Variants in ANKRD24 observed in about 807,000 individuals in gnomAD.
ANKRD24 encodes the protein ankyrin repeat domain-containing protein 24.
In ANKRD24, 109 loss-of-function variants were observed where a neutral mutation model predicts 127.8. That is an observed-to-expected ratio of 0.85 (90% CI 0.73 to 1.00). The LOEUF (loss-of-function observed/expected upper bound fraction) is 1.00. ANKRD24 is among the 50% of genes least tolerant of loss of function. ANKRD24 has a pLI of 0.00. For missense variants in ANKRD24, 1,648 were observed against 1,570.2 expected, an observed-to-expected ratio of 1.05 and a Z score of -0.84; for synonymous variants, 743 against 671.1, an observed-to-expected ratio of 1.11 and a Z score of -1.66.
Position 4,224,113 on chromosome 19 carries a change from C to G in ANKRD24, c.3298-14C>G. 1 of 1,611,250 alleles carries G rather than the reference C, an allele frequency of 6.2e-7. No homozygotes were observed. Among genetic ancestry groups the G allele is most frequent in the South Asian group, 1.1e-5 (1 of 90,798 alleles). On this transcript the variant is annotated splice_polypyrimidine_tract_variant and intron_variant, in intron 20 of 21. Transcript: ENST00000318934. ...GCTCCTGCTCTTCTGAGCGCCCCTTCCTCATGCCCACAGGAAGCTGCCAGG... is the reference window on the plus strand; with the variant it reads ...GCTCCTGCTCTTCTGAGCGCCCCTTGCTCATGCCCACAGGAAGCTGCCAGG...
Position 4,195,155 on chromosome 19 carries a change from C to T in ANKRD24, c.37-4528C>T, listed in dbSNP as rs1335786503. On this transcript the variant is annotated intron_variant, in intron 2 of 21. Transcript: ENST00000318934. This position sits in a 1 kb window ranked among gnomAD's most constrained non-coding sequence, Gnocchi z 4.2. ...TGGCACGACTTCTGCTCACTGCAAG[C>T]TCCGCCTCCCGGGTGCACGCCATTC... is the stretch of plus-strand genomic sequence containing the variant. 1.3e-5 allele frequency among the ~76,000 whole-genome samples: 2 copies of T among 151,182 alleles called. No individual in the cohort carries two copies. The highest frequency in any genetic ancestry group is 6.6e-5 in the Admixed American group (1 of 15,074).
At chr19:4,191,574 C>T (rs536253428) in intron 2 of ANKRD24, among the ~76,000 whole-genome samples, 2 of 152,116 alleles carry the variant, frequency 1.3e-5, no homozygotes, top group South Asian at 4.1e-4. Flanking sequence ...CTCCGCCTCC[C>T]GGGTTCAAGA....
In ANKRD24 at chr19:4,218,119, G is replaced by C; in HGVS notation, c.2959G>C (p.Glu987Gln). Residue 987 changes from glutamate to glutamine, a missense_variant, in exon 18 of 22, where the codon GAG (glutamate) becomes CAG (glutamine). Coordinates refer to ENST00000318934, the MANE Select transcript of ANKRD24 (RefSeq NM_001393985.1). ...GGCCCAGCTGGAGGGGCAGCTGGAG[G>C]AGCTGGGACGGCGGCATGAGAAGAC... ...NVAQLEGQLE[E>Q]LGRRHEKTSA... 1 of 1,541,180 alleles carries C rather than the reference G, an allele frequency of 6.5e-7. No individual in the cohort carries two copies. The highest frequency in any genetic ancestry group is 8.7e-7 in the Non-Finnish European group (1 of 1,145,444).
chr19:4,219,859 A>T (rs1970352289), intron 19 of ANKRD24, 101 bp downstream of exon 19: 3 of 1,321,360 alleles, frequency 2.3e-6, no homozygotes, highest in Non-Finnish European at 3.0e-6. Context: ...TGGAAAATCA[A>T]CCCATTTTCC....
rs1055765901 is a variant in ANKRD24 at position 4,198,208 on chromosome 19, C to T, written c.37-1475C>T. 8.7e-6 allele frequency: 5 copies of T among 572,460 alleles called. No homozygotes were observed. Among genetic ancestry groups the T allele is most frequent in the Middle Eastern group, 3.6e-4 (1 of 2,746 alleles). The allele number at this position is 572,460 out of a possible 1,614,324, so 35.5% of individuals were successfully genotyped here. A position where few individuals can be genotyped will look rare whatever the true frequency, so the allele number is the denominator to read the frequency against. On this transcript the variant is annotated intron_variant, in intron 2 of 21. Coordinates refer to ENST00000318934, the MANE Select transcript of ANKRD24 (RefSeq NM_001393985.1). The surrounding 1 kb of genome is among the most constrained non-coding windows in gnomAD (Gnocchi z 6.1). ...CGCCGCGTCCTCCTCATCCTCCAGG[C>T]GACAAGGTCAGGAGGGGCCGGGGCG...
chr19:4,219,596 G>C lies in ANKRD24; in HGVS notation c.3009G>C (p.Gln1003His). 1 of 1,609,390 alleles carries C rather than the reference G, an allele frequency of 6.2e-7. No individual in the cohort carries two copies. The highest frequency in any genetic ancestry group is 1.7e-5 in the Admixed American group (1 of 59,686). ...TGCGTGGGCTTGGGCCACAGGTGCA[G>C]CGTGAGGCCCTGTTCATGAAGAGTG... Reference protein sequence around the residue: ...EKTSAEVFQVQREALFMKSER... With the variant: ...EKTSAEVFQVHREALFMKSER... Residue 1003 changes from glutamine (Q) to histidine (H), a missense_variant, in exon 19 of 22, where the codon CAG becomes CAC. Physicochemically the swap from Gln to His is conservative, Grantham distance 24. Transcript: ENST00000318934.
chr19:4,192,791 G>C (rs1472170332), intron 2 of ANKRD24, among the ~76,000 whole-genome samples: 1 of 151,504 alleles, frequency 6.6e-6, no homozygotes, highest in East Asian at 2.0e-4. Context: ...AAATTAGTTG[G>C]GTATGGTGGT....
chr19:4,224,322 TG>T, intron 21 of ANKRD24, 105 bp from the exon 22 acceptor site: 1 of 1,424,502 alleles, frequency 7.0e-7, no homozygotes, highest in Non-Finnish European at 9.7e-7. Flanking sequence ...GGAGCCCCCC[TG>T]TGTGCATTTC....
Position 4,199,718 on chromosome 19 carries a change from G to C in ANKRD24, c.72G>C (p.Pro24=). 6.5e-7 allele frequency: 1 copy of C among 1,538,062 alleles called. No individual in the cohort carries two copies. The highest frequency in any genetic ancestry group is 8.7e-7 in the Non-Finnish European group (1 of 1,144,834). Reference sequence around the variant, plus strand: ...GCCCCACTGACCTTGGCTCCTGCCCGCCCTGCGGCCCCTGCCCCATCCCGA... The same window carrying C: ...GCCCCACTGACCTTGGCTCCTGCCCCCCCTGCGGCCCCTGCCCCATCCCGA... ...RLSPTDLGSC[P]PCGPCPIPKP... is the part of the protein sequence containing the mutation. Residue 24 remains proline (P), a synonymous_variant, in exon 3 of 22, where the codon CCG becomes CCC. Transcript: ENST00000318934. The surrounding 1 kb of genome is among the most constrained non-coding windows in gnomAD (Gnocchi z 5.2).
intron 7 of ANKRD24, among the ~76,000 whole-genome samples, chr19:4,206,359 G>C (rs1197027547): frequency 2.0e-5 from 3 of 151,278 alleles, no homozygotes; most frequent in African/African-American, 7.3e-5. Context: ...AATTAGCCAG[G>C]AGTGGTGGTG....
In ANKRD24 at chr19:4,224,581, G is replaced by A. The variant is rs1401265185; in HGVS notation, c.*76G>A. On this transcript the variant is annotated 3_prime_UTR_variant, in exon 22 of 22. Coordinates refer to ENST00000318934, the MANE Select transcript of ANKRD24 (RefSeq NM_001393985.1). The stretch of plus-strand genomic sequence containing the variant: ...CCCCCCTGCAGGCCCCTTGCAGACC[G>A]GCTTCACTTGGCTTCACTTGGCCCT... 14 of 1,253,832 alleles carry A rather than the reference G, an allele frequency of 1.1e-5. No homozygotes were observed. The highest frequency in any genetic ancestry group is 5.2e-5 in the South Asian group (4 of 77,296). 77.7% of individuals were successfully genotyped at this position (1,253,832 alleles called of 1,614,324 possible). A position where few individuals can be genotyped will look rare whatever the true frequency, so the allele number is the denominator to read the frequency against.
chr19:4,192,504 C>T (rs1346820251), intron 2 of ANKRD24, among the ~76,000 whole-genome samples: 1 of 151,006 alleles, frequency 6.6e-6, no homozygotes, highest in Non-Finnish European at 1.5e-5. Context: ...AGCCACCGCG[C>T]CCGGCCAGGC....
chr19:4,224,539 C>G lies in ANKRD24; in HGVS notation c.*34C>G. ...AGGCCCAGTGGCTACACTGACCACA[C>G]CCACGCAGGGACCTCACCCCCCTGC... On this transcript the variant is annotated 3_prime_UTR_variant, in exon 22 of 22. Transcript: ENST00000318934. The G allele has an allele frequency of 6.3e-7, 1 of 1,579,392 alleles. No homozygotes were observed. The highest frequency in any genetic ancestry group is 8.6e-7 in the Non-Finnish European group (1 of 1,160,414).
At position 4,199,843 on chromosome 19, in the gene ANKRD24, C is replaced by T. The variant is rs1027262122; in HGVS notation, c.124-32C>T. 3 of 1,550,020 alleles carry T rather than the reference C, an allele frequency of 1.9e-6. No individual in the cohort carries two copies. The highest frequency in any genetic ancestry group is 2.6e-6 in the Non-Finnish European group (3 of 1,146,448). On this transcript the variant is annotated intron_variant, in intron 3 of 21. Transcript: ENST00000318934. This position sits in a 1 kb window ranked among gnomAD's most constrained non-coding sequence, Gnocchi z 5.2. ...CGTGGGGAGGGGACAGCAGCCAACA[C>T]TGCCCCACGCACTTCTGGGCGTGCC...
chr19:4,186,001 C>T (rs1203138964), intron 1 of ANKRD24, among the ~76,000 whole-genome samples: 1 of 152,130 alleles, frequency 6.6e-6, no homozygotes, highest in Admixed American at 6.6e-5. Context: ...AGAAACCATT[C>T]TAGGCAGAAA....
In ANKRD24 at chr19:4,215,985, G is replaced by T; in HGVS notation, c.1205G>T (p.Arg402Leu). 6.3e-7 allele frequency: 1 copy of T among 1,592,688 alleles called. No individual in the cohort carries two copies. The highest frequency in any genetic ancestry group is 2.3e-5 in the East Asian group (1 of 43,500). The change falls in exon 16 of 22, where the codon CGG (arginine) becomes CTG (leucine). Residue 402 changes from arginine to leucine, a missense_variant. Arg to Leu is a moderately radical substitution (Grantham distance 102). Coordinates refer to ENST00000318934, the MANE Select transcript of ANKRD24 (RefSeq NM_001393985.1). Reference protein sequence around the residue: ...QSRLSLLENERENTSYDVTTL... With the variant: ...QSRLSLLENELENTSYDVTTL... ...TCTGCTCCCTCCCCCCAGAACGAGC[G>T]GGAGAATACTAGCTATGACGTAACC...
Position 4,219,744 on chromosome 19 carries a change from G to A in ANKRD24, c.3157G>A (p.Glu1053Lys), listed in dbSNP as rs1970344981. 6.2e-7 allele frequency: 1 copy of A among 1,607,850 alleles called. No individual in the cohort carries two copies. Among genetic ancestry groups the A allele is most frequent in the African/African-American group, 1.3e-5 (1 of 74,738 alleles). The stretch of plus-strand genomic sequence containing the variant: ...CCAGGAGGCTCTGGACAAGGCCAAG[G>A]AGAAGGACAAGAAGGTGGGTGCCCC... The part of the protein sequence containing the change: ...RAQEALDKAK[E>K]KDKKITELSK... The change falls in exon 19 of 22, where the codon GAG becomes AAG. Residue 1053 changes from glutamate to lysine, a missense_variant. Glu to Lys is a moderately conservative substitution (Grantham distance 56). Transcript: ENST00000318934.
chr19:4,193,564 G>A (rs1288421296), intron 2 of ANKRD24, among the ~76,000 whole-genome samples: 1 of 151,940 alleles, frequency 6.6e-6, no homozygotes, highest in East Asian at 1.9e-4. Context: ...GATGGCAGGC[G>A]CGGTGGCTCA....
rs1555718424 is a variant in ANKRD24, at chr19:4,216,044, CTT to C, written c.1265_1266del (p.Leu422ProfsTer47). 1 of 1,596,876 alleles carries C rather than the reference CTT, an allele frequency of 6.3e-7. No homozygotes were observed. Among genetic ancestry groups the C allele is most frequent in the Non-Finnish European group, 8.5e-7 (1 of 1,172,536 alleles). ...LQDEEGELPD[L>X]PGAEVLLSRQ... ...GGATGAGGAGGGTGAGCTGCCTGACCTTCCAGGTGAGCCCCCACCTCCCCACG... is the reference window on the plus strand; with the variant it reads ...GGATGAGGAGGGTGAGCTGCCTGACCCCAGGTGAGCCCCCACCTCCCCACG... On this transcript the variant is annotated frameshift_variant, in exon 16 of 22. Coordinates refer to ENST00000318934, the MANE Select transcript of ANKRD24 (RefSeq NM_001393985.1). LOFTEE classifies it high-confidence loss of function.
Sources: gnomAD v4.1 joint callset for allele counts (sites outside exome capture counted in the v4.1 genomes callset) on GRCh38, gnomAD v4.1.1 for gene constraint, Gnocchi (gnomAD v3.1) non-coding constraint, MANE v1.5 for transcripts, NCBI Gene and HGNC (gene_info 2026-07-23, HGNC 2026-07-21) for gene names.